Variants in RUBCNL observed in about 807,000 individuals in gnomAD.
The protein encoded by RUBCNL is rubicon like autophagy enhancer.
Under a neutral mutation model 69.5 loss-of-function variants are expected in RUBCNL, and 62 were observed. That is an observed-to-expected ratio of 0.89 (90% CI 0.73 to 1.10). RUBCNL has a LOEUF of 1.10. Among genes scored for constraint, RUBCNL ranks in the 50% least tolerant of loss-of-function variants. RUBCNL has a pLI of 0.00. For synonymous variants in RUBCNL, 291 were observed against 303.6 expected, an observed-to-expected ratio of 0.96 and a Z score of 0.43; for missense variants, 768 against 798.1, an observed-to-expected ratio of 0.96 and a Z score of 0.45.
intron 6 of RUBCNL, among the ~76,000 whole-genome samples, chr13:46,362,872 T>C (rs1416122316): frequency 7.7e-6 from 1 of 129,834 alleles, no homozygotes; most frequent in African/African-American, 3.0e-5. Flanking sequence ...TTCATTCAAC[T>C]CTACAAGTGA....
intron 10 of RUBCNL, 93 bp from the exon 11 acceptor site, chr13:46,350,444 ACT>A (rs1463098658): frequency 8.2e-6 from 7 of 851,934 alleles, no homozygotes; most frequent in Non-Finnish European, 9.0e-6. Context: ...AGATTCAAAG[ACT>A]CTGATGACTT....
In RUBCNL at chr13:46,386,391, C is replaced by G. The variant is rs1373136960; in HGVS notation, c.-239+743G>C. On this transcript the variant is annotated intron_variant, in intron 1 of 14. Transcript: ENST00000429979. ...CCTTCCAAATTCCACAGAAATAACC[C>G]AGTAAGGGCAGCTCTTGAGTATACC... Among the ~76,000 whole-genome samples, 8 of 152,158 alleles carry G rather than the reference C, an allele frequency of 5.3e-5. No homozygotes were observed. In the East Asian group the frequency reaches 1.3e-3, roughly 26 times the overall value.
At chr13:46,382,278 C>T (rs1428592784) in intron 1 of RUBCNL, among the ~76,000 whole-genome samples, 1 of 151,952 alleles carries the variant, frequency 6.6e-6, no homozygotes, top group Non-Finnish European at 1.5e-5. Flanking sequence ...AGCTACACAC[C>T]AGGCTGTGAA....
intron 4 of RUBCNL, 96 bp from the exon 5 acceptor site, chr13:46,368,345 A>T: frequency 7.0e-7 from 1 of 1,435,014 alleles, no homozygotes; most frequent in Non-Finnish European, 9.4e-7. Context: ...ATTTAAGTGG[A>T]ATTAATGCAT....
At chr13:46,355,976 A>C (rs1478749415) in intron 10 of RUBCNL, among the ~76,000 whole-genome samples, 1 of 152,224 alleles carries the variant, frequency 6.6e-6, no homozygotes, top group East Asian at 1.9e-4. Context: ...TAAAGCGTTC[A>C]TGGGATTGTC....
Position 46,338,337 on chromosome 13 carries a change from T to C in RUBCNL, c.*5048A>G, listed in dbSNP as rs377452195. 2.2e-3 allele frequency among the ~76,000 whole-genome samples: 330 copies of C among 152,192 alleles called. 1 individual carries two copies. Among genetic ancestry groups the C allele is most frequent in the African/African-American group, 7.7e-3 (320 of 41,530 alleles). ...ATGGTGGCTCAGGTATAGCTAGCATTGGGCCAACCCCTGCCCCTCTCTCTT... is the reference window on the plus strand; with the variant it reads ...ATGGTGGCTCAGGTATAGCTAGCATCGGGCCAACCCCTGCCCCTCTCTCTT... On this transcript the variant is annotated 3_prime_UTR_variant, in exon 15 of 15. Coordinates refer to ENST00000429979, the MANE Select transcript of RUBCNL (RefSeq NM_025113.5).
At position 46,340,113 on chromosome 13, in the gene RUBCNL, AT is replaced by A. The variant is rs1204178941; in HGVS notation, c.*3271del. 6.6e-6 allele frequency among the ~76,000 whole-genome samples: 1 copy of A among 151,626 alleles called. No homozygotes were observed. Among genetic ancestry groups the A allele is most frequent in the Non-Finnish European group, 1.5e-5 (1 of 67,930 alleles). On this transcript the variant is annotated 3_prime_UTR_variant, in exon 15 of 15. Transcript: ENST00000429979. Reference sequence around the variant, plus strand: ...TCCCTGCATCTTCTCTCTTCTCTCAATTTCCCTTTTCTTATAAGGACACCAG... The same window carrying A: ...TCCCTGCATCTTCTCTCTTCTCTCAATTCCCTTTTCTTATAAGGACACCAG...
intron 1 of RUBCNL, among the ~76,000 whole-genome samples, chr13:46,383,391 C>G (rs2049163992): frequency 6.6e-6 from 1 of 152,152 alleles, no homozygotes; most frequent in Non-Finnish European, 1.5e-5. Context: ...TACAGATAAC[C>G]ACTCTCTCCA....
At chr13:46,349,467 T>A in intron 11 of RUBCNL, 120 bp from the exon 12 acceptor site, 1 of 959,930 alleles carries the variant, frequency 1.0e-6, no homozygotes. Context: ...AAAACAAACC[T>A]TGAAAGCAAA....
Position 46,363,197 on chromosome 13 carries a change from C to A in RUBCNL, c.843G>T (p.Gln281His). The stretch of plus-strand genomic sequence containing the variant: ...TACGTGTTTCAGTCACTGGGCTGAC[C>A]TGTAACACAGCACAACCTAGACAAA... ...YSGYEGCAVLQVSPVTETRTY... is the reference protein window; with the variant it reads ...YSGYEGCAVLHVSPVTETRTY... The change falls in exon 6 of 15, where the codon CAG becomes CAT. Residue 281 changes from glutamine (Q) to histidine (H), a missense_variant. Physicochemically the swap from Gln to His is conservative, Grantham distance 24. Transcript: ENST00000429979. 3 of 1,571,160 alleles carry A rather than the reference C, an allele frequency of 1.9e-6. No individual in the cohort carries two copies. The highest frequency in any genetic ancestry group is 1.8e-5 in the Admixed American group (1 of 54,934).
chr13:46,381,256 G>A (rs533687662), intron 1 of RUBCNL, among the ~76,000 whole-genome samples: 177 of 152,212 alleles, frequency 1.2e-3, no homozygotes, highest in African/African-American at 3.8e-3. Flanking sequence ...TGCTATATCC[G>A]TACAATGAAA....
rs528054918 is a variant in RUBCNL at position 46,354,520 on chromosome 13, G to C, written c.1330+1912C>G. Among the ~76,000 whole-genome samples, 188 of 152,170 alleles carry C rather than the reference G, an allele frequency of 1.2e-3. 2 individuals are homozygous for C. Among genetic ancestry groups the C allele is most frequent in the Middle Eastern group, 3.4e-3 (1 of 294 alleles). ...TTATTTCTATGCTGTCTACAATCTG[G>C]GCCCCGCCTACATCTGCAGCATGTT... On this transcript the variant is annotated intron_variant, in intron 10 of 14. Transcript: ENST00000429979.
chr13:46,363,205 C>G lies in RUBCNL; in HGVS notation c.835G>C (p.Val279Leu), dbSNP rs768345071. The G allele has an allele frequency of 6.4e-7, 1 of 1,554,686 alleles. No homozygotes were observed. Among genetic ancestry groups the G allele is most frequent in the Admixed American group, 1.9e-5 (1 of 53,514 alleles). The change falls in exon 6 of 15, where the codon GTG (valine) becomes CTG (leucine). Residue 279 changes from valine (V) to leucine (L), a missense_variant. Coordinates refer to ENST00000429979, the MANE Select transcript of RUBCNL (RefSeq NM_025113.5). ...SSYSGYEGCA[V>L]LQVSPVTETR... ...TCAGTCACTGGGCTGACCTGTAACACAGCACAACCTAGACAAAGAAAGGAA... is the reference window on the plus strand; with the variant it reads ...TCAGTCACTGGGCTGACCTGTAACAGAGCACAACCTAGACAAAGAAAGGAA...
chr13:46,380,648 TTTA>T (rs1215396661), intron 1 of RUBCNL, among the ~76,000 whole-genome samples: 2 of 152,206 alleles, frequency 1.3e-5, no homozygotes, highest in African/African-American at 2.4e-5. Flanking sequence ...TTCACAAAAT[TTTA>T]TTATTATTCA....
rs1243807289 is a variant in RUBCNL, at chr13:46,356,415, C to T, written c.1330+17G>A. The T allele has an allele frequency of 6.2e-7, 1 of 1,612,418 alleles. No individual in the cohort carries two copies. Among genetic ancestry groups the T allele is most frequent in the East Asian group, 2.2e-5 (1 of 44,878 alleles). ...TGTCATCACATCATAAGCAGGCGAT[C>T]CATTATCCGTACTTACTAGGCTCTA... On this transcript the variant is annotated intron_variant, in intron 10 of 14. Transcript: ENST00000429979.
intron 2 of RUBCNL, among the ~76,000 whole-genome samples, chr13:46,375,394 G>T (rs567223404): frequency 1.3e-5 from 2 of 152,258 alleles, no homozygotes; most frequent in Non-Finnish European, 2.9e-5. Context: ...TTAGCTGGGC[G>T]TGGTGGCGGG....
rs1190744716 is a variant in RUBCNL at position 46,361,531 on chromosome 13, G to A, written c.1029C>T (p.Ala343=). The A allele has an allele frequency of 6.2e-7, 1 of 1,611,054 alleles. No homozygotes were observed. Among genetic ancestry groups the A allele is most frequent in the Admixed American group, 1.7e-5 (1 of 59,478 alleles). ...EPDFNSAELL[A]KELYRVFQKC... ...TCTGGAACACGCGGTACAGCTCTTT[G>A]GCTAATAGTTCTGCAGAATTGAAGT... is the stretch of plus-strand genomic sequence containing the variant. Residue 343 remains alanine, a synonymous_variant, in exon 8 of 15, where the codon GCC becomes GCT. Transcript: ENST00000429979.
upstream of RUBCNL, chr13:46,387,310 C>T: frequency 1.0e-6 from 1 of 985,506 alleles, no homozygotes; most frequent in African/African-American, 1.7e-5. Flanking sequence ...ACGCCCCCCG[C>T]CTCCCACACG....
Position 46,386,587 on chromosome 13 carries a change from G to C in RUBCNL, c.-239+547C>G, listed in dbSNP as rs562870438. ...ACGCCCGCCTGACCGTGTCCGGCGTGGCGGGGGGTTGGGGGCGAGAAGAGT... is the reference window on the plus strand; with the variant it reads ...ACGCCCGCCTGACCGTGTCCGGCGTCGCGGGGGGTTGGGGGCGAGAAGAGT... On this transcript the variant is annotated intron_variant, in intron 1 of 14. Coordinates refer to ENST00000429979, the MANE Select transcript of RUBCNL (RefSeq NM_025113.5). 2.6e-4 allele frequency among the ~76,000 whole-genome samples: 40 copies of C among 151,838 alleles called. No individual in the cohort carries two copies. In the East Asian group the frequency reaches 6.9e-3, roughly 26 times the overall value.
Sources: gnomAD v4.1 joint callset for allele counts (sites outside exome capture counted in the v4.1 genomes callset) on GRCh38, gnomAD v4.1.1 for gene constraint, MANE v1.5 for transcripts, NCBI Gene and HGNC (gene_info 2026-07-23, HGNC 2026-07-21) for gene names.